The following PDE9A variants were observed in gnomAD, a reference collection of about 807,000 sequenced individuals.
PDE9A encodes the protein high affinity cGMP-specific 3',5'-cyclic phosphodiesterase 9A.
In PDE9A, 60 loss-of-function variants were observed where a neutral mutation model predicts 87.4. The observed-to-expected ratio is 0.69, with a 90% CI of 0.56 to 0.85. The LOEUF (loss-of-function observed/expected upper bound fraction) is 0.85. Among genes scored for constraint, PDE9A ranks in the 40% least tolerant of loss-of-function variants. PDE9A has a pLI of 0.00. For missense variants in PDE9A, 665 were observed against 779.0 expected, an observed-to-expected ratio of 0.85 and a Z score of 1.74; for synonymous variants, 272 against 279.4, an observed-to-expected ratio of 0.97 and a Z score of 0.27.
At chr21:42,756,283 G>A (rs1338768225) in intron 10 of PDE9A, among the ~76,000 whole-genome samples, 3 of 152,196 alleles carry the variant, frequency 2.0e-5, no homozygotes, top group African/African-American at 7.2e-5. Context: ...GGGATGCCAG[G>A]AATTTTGGAG....
chr21:42,715,818 C>T (rs976613570), intron 4 of PDE9A, among the ~76,000 whole-genome samples: 1 of 151,040 alleles, frequency 6.6e-6, no homozygotes, highest in Admixed American at 6.6e-5. Flanking sequence ...CTGTACATTC[C>T]CTGGGTTTGG....
intron 4 of PDE9A, among the ~76,000 whole-genome samples, chr21:42,714,492 T>G (rs1019847520): frequency 2.0e-5 from 3 of 151,932 alleles, no homozygotes; most frequent in Non-Finnish European, 4.4e-5. Context: ...TTCATATGGT[T>G]GGGGTTAGCT....
intron 1 of PDE9A, among the ~76,000 whole-genome samples, chr21:42,673,307 G>A (rs1027481626): frequency 7.9e-5 from 12 of 152,124 alleles, no homozygotes; most frequent in African/African-American, 2.2e-4. Context: ...TGACCAGGGC[G>A]ATCCTAGAGG....
At chr21:42,713,260 G>A (rs1348770993) in intron 4 of PDE9A, among the ~76,000 whole-genome samples, 2 of 151,884 alleles carry the variant, frequency 1.3e-5, no homozygotes, top group Non-Finnish European at 2.9e-5. Flanking sequence ...TCAGCCTCCC[G>A]GGTAGCTGGG....
At position 42,714,163 on chromosome 21, in the gene PDE9A, C is replaced by T. The variant is rs776142778; in HGVS notation, c.262+15152C>T. 1.1e-4 allele frequency among the ~76,000 whole-genome samples: 16 copies of T among 151,914 alleles called. No individual in the cohort carries two copies. In the East Asian group the frequency reaches 1.2e-3, roughly 11 times the overall value. ...CCTCCCAAGTAGCTGGGACTACAGGCGCCCACCACCGTGCCTGGCTAACGT... is the reference window on the plus strand; with the variant it reads ...CCTCCCAAGTAGCTGGGACTACAGGTGCCCACCACCGTGCCTGGCTAACGT... On this transcript the variant is annotated intron_variant, in intron 4 of 19. Coordinates refer to ENST00000291539, the MANE Select transcript of PDE9A (RefSeq NM_002606.3).
At chr21:42,773,969 G>C (rs990276636) in intron 19 of PDE9A, among the ~76,000 whole-genome samples, 1 of 151,670 alleles carries the variant, frequency 6.6e-6, no homozygotes, top group Non-Finnish European at 1.5e-5. Context: ...GCCGGGCGTG[G>C]TGGTGGGTGC....
rs775589681 is a variant in PDE9A at position 42,758,986 on chromosome 21, C to A, written c.811-13C>A. ...ACAACTGCCCAGTGCCTATCCTTCT[C>A]CTGTGCCCACAGATGCTGAGCTGCC... On this transcript the variant is annotated splice_polypyrimidine_tract_variant and intron_variant, in intron 10 of 19. Transcript: ENST00000291539. 5 of 1,609,500 alleles carry A rather than the reference C, an allele frequency of 3.1e-6. No homozygotes were observed. The South Asian group carries it at 5.5e-5, about 18-fold the overall frequency.
chr21:42,740,016 A>C (rs375676665), intron 7 of PDE9A, among the ~76,000 whole-genome samples: 1 of 152,186 alleles, frequency 6.6e-6, no homozygotes, highest in South Asian at 2.1e-4. Flanking sequence ...GAAAACAACA[A>C]ATTTTATCTT....
chr21:42,726,331 C>G (rs908714642), intron 4 of PDE9A, among the ~76,000 whole-genome samples: 1 of 151,896 alleles, frequency 6.6e-6, no homozygotes, highest in African/African-American at 2.4e-5. Flanking sequence ...TCCAGTCTAT[C>G]CATTTTTCTT....
At chr21:42,670,516 A>C (rs2058465982) in intron 1 of PDE9A, among the ~76,000 whole-genome samples, 1 of 144,898 alleles carries the variant, frequency 6.9e-6, no homozygotes, top group South Asian at 2.2e-4. Context: ...CTTCACACAC[A>C]CAGGCAATCA....
chr21:42,764,126 G>A (rs921306187), intron 14 of PDE9A, among the ~76,000 whole-genome samples: 2 of 152,230 alleles, frequency 1.3e-5, no homozygotes, highest in Non-Finnish European at 2.9e-5. Flanking sequence ...TGTGCATGGT[G>A]ATGGCCCCGG....
intron 9 of PDE9A, among the ~76,000 whole-genome samples, chr21:42,752,524 A>C (rs34002400): frequency 0.049 from 7,418 of 152,178 alleles, 210 homozygotes; most frequent in Middle Eastern, 0.068. Context: ...CCACCTCAGC[A>C]TCCCAAAGTG....
intron 4 of PDE9A, among the ~76,000 whole-genome samples, chr21:42,730,198 G>A (rs1357983752): frequency 1.3e-5 from 2 of 152,166 alleles, no homozygotes; most frequent in Admixed American, 1.3e-4. Flanking sequence ...GTAGGTGTGG[G>A]CCTTTCTTAA....
rs753571982 is a variant in PDE9A at position 42,733,368 on chromosome 21, C to T, written c.510C>T (p.Ile170=). ...TTTTCATTCCTAGAGCATTCAAAAT[C>T]AATGAACTGAAAGCTGAAGTTGCAA... is the stretch of plus-strand genomic sequence containing the variant. The part of the protein sequence containing the change: ...VAEQFSRAFK[I]NELKAEVANH... The change falls in exon 7 of 20, where the codon ATC becomes ATT. Residue 170 remains isoleucine (I), a synonymous_variant. Coordinates refer to ENST00000291539, the MANE Select transcript of PDE9A (RefSeq NM_002606.3). 2 of 1,589,260 alleles carry T rather than the reference C, an allele frequency of 1.3e-6. No homozygotes were observed. The highest frequency in any genetic ancestry group is 1.7e-6 in the Non-Finnish European group (2 of 1,157,440).
In PDE9A at chr21:42,760,921, T is replaced by C. The variant is rs1317190731; in HGVS notation, c.1085+14T>C. ...CTACAACAACACGTATGTACAGGAT[T>C]TTCTCTTTTTTTCCTTTTAAAAGGC... On this transcript the variant is annotated intron_variant, in intron 13 of 19. Coordinates refer to ENST00000291539, the MANE Select transcript of PDE9A (RefSeq NM_002606.3). This position sits in a 1 kb window ranked among gnomAD's most constrained non-coding sequence, Gnocchi z 5.2. 8.9e-6 allele frequency: 14 copies of C among 1,571,760 alleles called. No individual in the cohort carries two copies. The highest frequency in any genetic ancestry group is 2.7e-5 in the African/African-American group (2 of 74,118).
intron 9 of PDE9A, 44 bp downstream of exon 9, chr21:42,751,241 C>T: frequency 7.4e-7 from 1 of 1,355,620 alleles, no homozygotes; most frequent in Non-Finnish European, 1.1e-6. Flanking sequence ...GCTGTGTCCC[C>T]AGCCCCACGC....
intron 17 of PDE9A, 50 bp downstream of exon 17, chr21:42,769,205 A>G: frequency 6.4e-7 from 1 of 1,568,844 alleles, no homozygotes; most frequent in South Asian, 1.1e-5. Context: ...AGATACATGC[A>G]TGCACACACA....
Position 42,653,844 on chromosome 21 carries a change from CA to C in PDE9A, c.32del (p.Lys11ArgfsTer14). 1.3e-6 allele frequency: 2 copies of C among 1,571,270 alleles called. No homozygotes were observed. The highest frequency in any genetic ancestry group is 1.4e-5 in the African/African-American group (1 of 72,024). MGSGSSSYRP[K>X]AIYLDIDGRI... is the part of the protein sequence containing the mutation. The stretch of plus-strand genomic sequence containing the variant: ...GATCCGGCTCCTCCAGCTACCGGCC[CA>C]AGGCCATCTACCTGGACATCGATGG... On this transcript the variant is annotated frameshift_variant, in exon 1 of 20. Coordinates refer to ENST00000291539, the MANE Select transcript of PDE9A (RefSeq NM_002606.3). LOFTEE classifies it high-confidence loss of function.
chr21:42,755,225 A>AT (rs2054905637), intron 10 of PDE9A, among the ~76,000 whole-genome samples: 2 of 152,250 alleles, frequency 1.3e-5, no homozygotes, highest in African/African-American at 2.4e-5. Context: ...GGCCGCAGCG[A>AT]TGTCTCTGCA....
Sources: gnomAD v4.1 joint callset for allele counts (sites outside exome capture counted in the v4.1 genomes callset) on GRCh38, gnomAD v4.1.1 for gene constraint, Gnocchi (gnomAD v3.1) non-coding constraint, MANE v1.5 for transcripts, NCBI Gene and HGNC (gene_info 2026-07-23, HGNC 2026-07-21) for gene names.